Variants in ZMIZ1 observed in about 807,000 individuals in gnomAD.
The protein encoded by ZMIZ1 is zinc finger MIZ-type containing 1, also known as zinc finger MIZ domain-containing protein 1.
Under a neutral mutation model 113.9 loss-of-function variants are expected in ZMIZ1, and 17 were observed. The ratio of observed to expected loss-of-function variants is 0.15; its 90% CI spans 0.10 to 0.22. The LOEUF is 0.22. Among genes scored for constraint, ZMIZ1 ranks in the 10% least tolerant of loss-of-function variants. ZMIZ1 has a pLI of 1.00. For missense variants in ZMIZ1, 1,059 were observed against 1,477.8 expected, an observed-to-expected ratio of 0.72 and a Z score of 4.65; for synonymous variants, 607 against 603.1, an observed-to-expected ratio of 1.01 and a Z score of -0.09.
chr10:79,202,908 A>G (rs1033664931), intron 5 of ZMIZ1, among the ~76,000 whole-genome samples: 2 of 152,182 alleles, frequency 1.3e-5, no homozygotes, highest in African/African-American at 4.8e-5. Flanking sequence ...CTAGTCCTCC[A>G]TTTCTCTGAG....
chr10:79,189,133 T>A (rs755215593), intron 4 of ZMIZ1, among the ~76,000 whole-genome samples: 1 of 152,200 alleles, frequency 6.6e-6, no homozygotes, highest in Non-Finnish European at 1.5e-5. Context: ...CCTTCCCTAA[T>A]CCATCCTTCC....
intron 4 of ZMIZ1, among the ~76,000 whole-genome samples, chr10:79,189,337 C>T (rs1447744105): frequency 3.3e-5 from 5 of 152,154 alleles, no homozygotes; most frequent in Non-Finnish European, 4.4e-5. Context: ...AACTCTGTCA[C>T]GCAGGCACCC....
At chr10:79,163,814 T>TGG (rs1201664088) in intron 4 of ZMIZ1, among the ~76,000 whole-genome samples, 2 of 152,182 alleles carry the variant, frequency 1.3e-5, no homozygotes, top group Non-Finnish European at 2.9e-5. Flanking sequence ...CTCAGGCTGG[T>TGG]GGCCTGCCTC....
chr10:79,088,689 T>G (rs576651627), intron 1 of ZMIZ1, among the ~76,000 whole-genome samples: 1 of 152,320 alleles, frequency 6.6e-6, no homozygotes, highest in East Asian at 1.9e-4. Flanking sequence ...TTTTATCTGC[T>G]GCAATGCTGG....
In ZMIZ1 at chr10:79,139,719, C is replaced by T; in HGVS notation, c.-189C>T. 5.0e-6 allele frequency: 2 copies of T among 398,918 alleles called. No individual in the cohort carries two copies. Among genetic ancestry groups the T allele is most frequent in the Non-Finnish European group, 8.8e-6 (2 of 226,212 alleles). 24.7% of individuals were successfully genotyped at this position (398,918 alleles called of 1,614,324 possible). On this transcript the variant is annotated 5_prime_UTR_variant, in exon 3 of 25. Transcript: ENST00000334512. ...GAGGCCCGTTGGCGTCGGACCAATG[C>T]TGCAAGGGGTGTGAGGAGAGGAGCC... is the stretch of plus-strand genomic sequence containing the variant.
chr10:79,261,811 C>T (rs980327075), intron 7 of ZMIZ1, among the ~76,000 whole-genome samples: 1 of 152,220 alleles, frequency 6.6e-6, no homozygotes, highest in Non-Finnish European at 1.5e-5. Flanking sequence ...TACCTTGTTA[C>T]ACCTTTAGAG....
At chr10:79,196,239 G>A (rs1429063877) in intron 4 of ZMIZ1, among the ~76,000 whole-genome samples, 2 of 152,190 alleles carry the variant, frequency 1.3e-5, no homozygotes, top group African/African-American at 2.4e-5. Flanking sequence ...ACAGGACACA[G>A]CGCTGTCCCT....
intron 7 of ZMIZ1, among the ~76,000 whole-genome samples, chr10:79,258,136 C>A (rs1283079791): frequency 6.6e-6 from 1 of 152,190 alleles, no homozygotes; most frequent in Non-Finnish European, 1.5e-5. Flanking sequence ...AATCCCAGCA[C>A]TTTGGGAGGC....
chr10:79,285,453 A>G, intron 8 of ZMIZ1: 1 of 455,978 alleles, frequency 2.2e-6, no homozygotes, highest in Non-Finnish European at 4.4e-6. Flanking sequence ...CATTTCATAG[A>G]TGAGGTTGCT....
chr10:79,189,913 T>G (rs907558432), intron 4 of ZMIZ1, among the ~76,000 whole-genome samples: 2 of 152,162 alleles, frequency 1.3e-5, no homozygotes, highest in African/African-American at 4.8e-5. Context: ...GTCCCCTGAG[T>G]AGCCTCACAC....
rs974546196 is a variant in ZMIZ1, at chr10:79,118,078, C to T, written c.-336-837C>T. ...TCCCTGAGGAGATTTGGACTTCACT[C>T]CAGCCTTGCCTTTCACCATGGGAGG... On this transcript the variant is annotated intron_variant, in intron 1 of 24. Coordinates refer to ENST00000334512, the MANE Select transcript of ZMIZ1 (RefSeq NM_020338.4). This position sits in a 1 kb window ranked among gnomAD's most constrained non-coding sequence, Gnocchi z 4.1. 2.7e-4 allele frequency among the ~76,000 whole-genome samples: 41 copies of T among 152,226 alleles called. No homozygotes were observed. Among genetic ancestry groups the T allele is most frequent in the Admixed American group, 2.1e-3 (32 of 15,286 alleles).
At chr10:79,079,564 A>C (rs571217500) in intron 1 of ZMIZ1, among the ~76,000 whole-genome samples, 1 of 152,336 alleles carries the variant, frequency 6.6e-6, no homozygotes, top group Admixed American at 6.5e-5. Context: ...CCAGCTTGAC[A>C]TGTTCCTGGC....
intron 1 of ZMIZ1, among the ~76,000 whole-genome samples, chr10:79,098,035 G>T (rs986993217): frequency 6.6e-6 from 1 of 152,218 alleles, no homozygotes; most frequent in South Asian, 2.1e-4. Context: ...CTGGGCCCTC[G>T]GAGGCCTTTG....
rs993811610 is a variant in ZMIZ1 at position 79,307,490 on chromosome 10, C to G, written c.2754C>G (p.Pro918=). The change falls in exon 23 of 25, where the codon CCC becomes CCG. Residue 918 remains proline (P), a synonymous_variant. Coordinates refer to ENST00000334512, the MANE Select transcript of ZMIZ1 (RefSeq NM_020338.4). ...CCATGAATGACTTCATGCACGGGCCCCCCCAGCTCTCCCACCCCCCGGACA... is the reference window on the plus strand; with the variant it reads ...CCATGAATGACTTCATGCACGGGCCGCCCCAGCTCTCCCACCCCCCGGACA... ...GTSMNDFMHG[P]PQLSHPPDMP... 1.2e-6 allele frequency: 2 copies of G among 1,604,346 alleles called. No individual in the cohort carries two copies. Among genetic ancestry groups the G allele is most frequent in the Middle Eastern group, 1.7e-4 (1 of 6,040 alleles).
chr10:79,122,528 C>T (rs915305737), intron 2 of ZMIZ1, among the ~76,000 whole-genome samples: 8 of 152,102 alleles, frequency 5.3e-5, no homozygotes, highest in African/African-American at 1.9e-4. Flanking sequence ...GCCCACACTC[C>T]CATCTCTCCT....
intron 21 of ZMIZ1, among the ~76,000 whole-genome samples, chr10:79,305,895 C>A (rs1358128122): frequency 2.6e-5 from 4 of 152,206 alleles, no homozygotes. Context: ...CTGTGCCCAG[C>A]CACTTGCTTT....
intron 2 of ZMIZ1, among the ~76,000 whole-genome samples, chr10:79,137,862 C>T (rs1049419105): frequency 6.6e-6 from 1 of 152,080 alleles, no homozygotes; most frequent in East Asian, 1.9e-4. Flanking sequence ...CGCTGTGGGC[C>T]CTGGCGCCTC....
intron 4 of ZMIZ1, among the ~76,000 whole-genome samples, chr10:79,166,621 T>G (rs1846359812): frequency 6.6e-6 from 1 of 152,186 alleles, no homozygotes; most frequent in Non-Finnish European, 1.5e-5. Context: ...CAAGGGGTGG[T>G]TGGAAACCTG....
chr10:79,300,067 G>T (rs1854185978), intron 16 of ZMIZ1, among the ~76,000 whole-genome samples: 1 of 152,236 alleles, frequency 6.6e-6, no homozygotes. Flanking sequence ...GGTGGCCACA[G>T]ATAGCTGGTG....
Sources: gnomAD v4.1 joint callset for allele counts (sites outside exome capture counted in the v4.1 genomes callset) on GRCh38, gnomAD v4.1.1 for gene constraint, Gnocchi (gnomAD v3.1) non-coding constraint, MANE v1.5 for transcripts, NCBI Gene and HGNC (gene_info 2026-07-23, HGNC 2026-07-21) for gene names.